The following ATG5 variants were observed in gnomAD, a reference collection of about 807,000 sequenced individuals.
The protein encoded by ATG5 is autophagy protein 5.
In ATG5, 14 loss-of-function variants were observed where a neutral mutation model predicts 36.5. The observed-to-expected ratio is 0.38, with a 90% CI of 0.25 to 0.60. The LOEUF is 0.60. Ranked by LOEUF, ATG5 falls within the 20% of genes least tolerant of loss-of-function variation. The probability of loss-of-function intolerance (pLI) is 0.60; values close to 1 mark genes in which losing one functional copy is unlikely to be tolerated. For missense variants in ATG5, 195 were observed against 326.7 expected (o/e 0.60, Z 3.11); for synonymous variants, 95 against 101.5 (o/e 0.94, Z 0.38).
intron 6 of ATG5, among the ~76,000 whole-genome samples, chr6:106,219,287 T>A (rs1265233470): frequency 1.3e-5 from 2 of 152,180 alleles, no homozygotes; most frequent in Non-Finnish European, 2.9e-5. Flanking sequence ...TTTGCAAATG[T>A]TATAAAGTTC....
intron 4 of ATG5, among the ~76,000 whole-genome samples, chr6:106,292,333 G>C (rs1312486186): frequency 6.6e-6 from 1 of 152,200 alleles, no homozygotes; most frequent in Non-Finnish European, 1.5e-5. Flanking sequence ...TTGTGAATTG[G>C]GGGAGGGGAA....
intron 5 of ATG5, among the ~76,000 whole-genome samples, chr6:106,269,985 C>T (rs1391818431): frequency 6.6e-6 from 1 of 152,214 alleles, no homozygotes; most frequent in African/African-American, 2.4e-5. Context: ...ATCTGTATTG[C>T]ACTGCGAAAT....
At chr6:106,242,332 CATG>C (rs1778161384) in intron 6 of ATG5, among the ~76,000 whole-genome samples, 1 of 152,138 alleles carries the variant, frequency 6.6e-6, no homozygotes, top group Admixed American at 6.5e-5. Flanking sequence ...ATGAGGACAT[CATG>C]ATATGCGAAA....
chr6:106,198,838 G>T (rs1776307259), intron 7 of ATG5, among the ~76,000 whole-genome samples: 1 of 151,846 alleles, frequency 6.6e-6, no homozygotes, highest in African/African-American at 2.4e-5. Flanking sequence ...CACAGACTAG[G>T]AGAAAATATC....
intron 6 of ATG5, among the ~76,000 whole-genome samples, chr6:106,238,396 A>G (rs558935783): frequency 5.3e-5 from 8 of 152,348 alleles, no homozygotes; most frequent in African/African-American, 1.9e-4. Context: ...ACTGTAACAT[A>G]TATCTCTAAA....
chr6:106,255,621 C>T (rs976140118), intron 5 of ATG5, among the ~76,000 whole-genome samples: 2 of 151,994 alleles, frequency 1.3e-5, no homozygotes, highest in African/African-American at 4.8e-5. Flanking sequence ...CGTATTCTAA[C>T]CAATTAAGAA....
intron 6 of ATG5, among the ~76,000 whole-genome samples, chr6:106,223,895 G>T (rs982135087): frequency 2.0e-5 from 3 of 152,228 alleles, no homozygotes; most frequent in Non-Finnish European, 2.9e-5. Flanking sequence ...TTTTGGGGAA[G>T]CTGTCTTATT....
chr6:106,302,614 T>C (rs908132727), intron 3 of ATG5, among the ~76,000 whole-genome samples: 2 of 151,912 alleles, frequency 1.3e-5, no homozygotes, highest in Non-Finnish European at 2.9e-5. Context: ...AGAATCACAA[T>C]CTAGAGGCTA....
At chr6:106,227,682 G>A (rs987510289) in intron 6 of ATG5, among the ~76,000 whole-genome samples, 1 of 152,184 alleles carries the variant, frequency 6.6e-6, no homozygotes, top group East Asian at 1.9e-4. Context: ...TAAGACTGTA[G>A]ATCAATACCA....
chr6:106,271,749 T>C (rs1344922930), intron 5 of ATG5: 2 of 151,700 alleles, frequency 1.3e-5, no homozygotes, highest in Non-Finnish European at 2.9e-5. Flanking sequence ...CCACAAGAAC[T>C]AGATATAGAC....
chr6:106,203,108 G>A (rs184378331), intron 6 of ATG5, among the ~76,000 whole-genome samples: 56 of 152,242 alleles, frequency 3.7e-4, no homozygotes, highest in African/African-American at 1.3e-3. Context: ...TATGATTTTA[G>A]TAGTTTCATT....
chr6:106,250,836 ACT>A (rs1778546080), intron 5 of ATG5, among the ~76,000 whole-genome samples: 2 of 152,134 alleles, frequency 1.3e-5, no homozygotes, highest in African/African-American at 2.4e-5. Context: ...CAATTGTATG[ACT>A]CTCTTCTCCA....
chr6:106,276,963 C>G (rs1243895274), intron 5 of ATG5, among the ~76,000 whole-genome samples: 1 of 152,068 alleles, frequency 6.6e-6, no homozygotes, highest in Non-Finnish European at 1.5e-5. Flanking sequence ...CTTTGCAAAG[C>G]TTATAACCTA....
At chr6:106,323,839 T>C (rs555079404) in intron 1 of ATG5, among the ~76,000 whole-genome samples, 21 of 152,332 alleles carry the variant, frequency 1.4e-4, no homozygotes, top group African/African-American at 2.6e-4. Flanking sequence ...TTAAGGTTCT[T>C]ATAAATTCCC....
intron 7 of ATG5, among the ~76,000 whole-genome samples, chr6:106,198,713 T>G (rs1029636574): frequency 6.6e-6 from 1 of 151,280 alleles, no homozygotes; most frequent in South Asian, 2.1e-4. Context: ...GAGGTGGAGG[T>G]TGCAGTTAGC....
Position 106,186,610 on chromosome 6 carries a change from CA to C in ATG5, c.757del (p.Trp253GlyfsTer2). ...IEPMLETPLQ[W>X]LSEHLSYPDN... ...CGGGTAGCTCAGATGTTCACTCAGCCACTGCAGAGGTGTTTCCAACATTGGC... is the reference window on the plus strand; with the variant it reads ...CGGGTAGCTCAGATGTTCACTCAGCCCTGCAGAGGTGTTTCCAACATTGGC... On this transcript the variant is annotated frameshift_variant, in exon 8 of 8. Transcript: ENST00000369076. LOFTEE classifies it high-confidence loss of function. The C allele has an allele frequency of 6.2e-7, 1 of 1,613,650 alleles. No homozygotes were observed. Among genetic ancestry groups the C allele is most frequent in the Non-Finnish European group, 8.5e-7 (1 of 1,179,660 alleles).
chr6:106,196,676 T>G (rs1776205673), intron 7 of ATG5, among the ~76,000 whole-genome samples: 1 of 150,974 alleles, frequency 6.6e-6, no homozygotes, highest in African/African-American at 2.4e-5. Flanking sequence ...TGAGCTGAGA[T>G]GGCATCACTG....
intron 3 of ATG5, among the ~76,000 whole-genome samples, chr6:106,294,860 A>AAAAAAAAAAAG (rs1188887477): frequency 6.6e-6 from 1 of 151,474 alleles, no homozygotes; most frequent in Non-Finnish European, 1.5e-5. Context: ...AAAAAAAAAA[A>AAAAAAAAAAAG]AGAATTTAGG....
chr6:106,212,085 T>C (rs1478935674), intron 6 of ATG5, among the ~76,000 whole-genome samples: 2 of 152,192 alleles, frequency 1.3e-5, no homozygotes, highest in African/African-American at 4.8e-5. Context: ...ATCAAGAATA[T>C]AATTAGATTT....
Sources: allele counts gnomAD v4.1 joint callset (sites outside exome capture counted in the v4.1 genomes callset), GRCh38; gene constraint gnomAD v4.1.1; transcripts MANE v1.5; gene names NCBI Gene and HGNC (gene_info 2026-07-23, HGNC 2026-07-21).